The following ZEB2 variants were observed in gnomAD, a reference collection of about 807,000 sequenced individuals.
The protein encoded by ZEB2 is zinc finger E-box-binding homeobox 2.
Under a neutral mutation model 99.9 loss-of-function variants are expected in ZEB2, and 6 were observed. The ratio of observed to expected loss-of-function variants is 0.06; its 90% CI spans 0.03 to 0.12. ZEB2 has a LOEUF of 0.12. Ranked by LOEUF, ZEB2 falls within the 10% of genes least tolerant of loss-of-function variation. The pLI is 1.00. For missense variants in ZEB2, 969 were observed against 1,502.8 expected (o/e 0.64, Z 5.87); for synonymous variants, 517 against 542.5 (o/e 0.95, Z 0.65).
intron 2 of ZEB2, among the ~76,000 whole-genome samples, chr2:144,500,181 A>AT (rs1397395431): frequency 1.3e-5 from 2 of 152,142 alleles, no homozygotes; most frequent in African/African-American, 2.4e-5. Flanking sequence ...TGCTAATTAC[A>AT]TTTTTTTTAC....
intron 2 of ZEB2, among the ~76,000 whole-genome samples, chr2:144,459,731 T>G (rs1704166759): frequency 6.6e-6 from 1 of 152,186 alleles, no homozygotes; most frequent in Admixed American, 6.5e-5. Context: ...CATGTAAAGA[T>G]GACAATCAGC....
At chr2:144,513,726 C>A in intron 2 of ZEB2, 1 of 1,536,070 alleles carries the variant, frequency 6.5e-7, no homozygotes, top group Non-Finnish European at 8.7e-7. Flanking sequence ...TTGCAAGTTA[C>A]AAACGGGCCG....
intron 2 of ZEB2, among the ~76,000 whole-genome samples, chr2:144,433,100 C>A (rs763599560): frequency 2.6e-5 from 4 of 152,106 alleles, no homozygotes; most frequent in Non-Finnish European, 5.9e-5. Flanking sequence ...ACAGTTACTT[C>A]AAAACCACAA....
rs774763773 is a variant in ZEB2 at position 144,389,832 on chromosome 2, C to T, written c.3264G>A (p.Arg1088=). The T allele has an allele frequency of 1.9e-6, 3 of 1,613,420 alleles. No homozygotes were observed. In the Admixed American group the frequency reaches 5.0e-5, roughly 27 times the overall value. The part of the protein sequence containing the change: ...YSYCKREAEE[R]EAAEREAREK... The stretch of plus-strand genomic sequence containing the variant: ...CGCGCGCCTCGCGCTCCGCCGCTTC[C>T]CGCTCCTCCGCCTCCCGCTTGCAGT... Residue 1088 remains arginine (R), a synonymous_variant, in exon 10 of 10, where the codon CGG becomes CGA. Transcript: ENST00000627532. The surrounding 1 kb of genome is among the most constrained non-coding windows in gnomAD (Gnocchi z 6.8).
intron 2 of ZEB2, among the ~76,000 whole-genome samples, chr2:144,500,899 G>A (rs1275868012): frequency 6.6e-6 from 1 of 152,166 alleles, no homozygotes; most frequent in African/African-American, 2.4e-5. Flanking sequence ...CAGGCACAAT[G>A]CACTGGTGTG....
intron 2 of ZEB2, among the ~76,000 whole-genome samples, chr2:144,506,481 C>T (rs930798017): frequency 1.3e-5 from 2 of 152,146 alleles, no homozygotes; most frequent in African/African-American, 4.8e-5. Context: ...CCTCTTAAAA[C>T]TGAGAATTCT....
intron 2 of ZEB2, among the ~76,000 whole-genome samples, chr2:144,516,919 G>A (rs1705158013): frequency 6.6e-6 from 1 of 151,430 alleles, no homozygotes; most frequent in Non-Finnish European, 1.5e-5. Context: ...GGACGCTCCC[G>A]AAGCCCGGCC....
intron 2 of ZEB2, chr2:144,513,939 C>T (rs1459213503): frequency 2.7e-6 from 4 of 1,455,782 alleles, no homozygotes; most frequent in African/African-American, 1.4e-5. Context: ...GAAACCGACA[C>T]ACATTCTTGT....
chr2:144,411,114 T>G (rs1343278431), intron 4 of ZEB2, among the ~76,000 whole-genome samples: 1 of 66,450 alleles, frequency 1.5e-5, no homozygotes, highest in African/African-American at 3.6e-5. Flanking sequence ...TAATAGGGCA[T>G]CTCATATATA....
chr2:144,516,436 A>ACCCC (rs68189842), intron 2 of ZEB2: 4 of 104,204 alleles, frequency 3.8e-5, no homozygotes, highest in East Asian at 3.5e-4. Context: ...CCAAACTCTC[A>ACCCC]CCCCCCCCTT....
intron 2 of ZEB2, chr2:144,503,926 T>G (rs1003268905): frequency 6.6e-6 from 1 of 152,092 alleles, no homozygotes; most frequent in African/African-American, 2.4e-5. Flanking sequence ...CTACTTGTAC[T>G]GGCTTTTTGT....
intron 2 of ZEB2, chr2:144,430,933 A>G (rs1250304795): frequency 6.6e-6 from 1 of 152,220 alleles, no homozygotes; most frequent in East Asian, 1.9e-4. Flanking sequence ...CAGACAAGAA[A>G]GATTAGAGTA....
At position 144,510,360 on chromosome 2, in the gene ZEB2, C is replaced by G. The variant is rs568258079; in HGVS notation, c.73+6918G>C. On this transcript the variant is annotated intron_variant, in intron 2 of 9. Transcript: ENST00000627532. ...TCCAGCTCGCCCGTCCCTCCCACCC[C>G]CAGGGCCCTCACCTCTCTGGTCCGC... 1.3e-4 allele frequency among the ~76,000 whole-genome samples: 20 copies of G among 152,174 alleles called. No homozygotes were observed. In the South Asian group the frequency reaches 2.7e-3, roughly 21 times the overall value.
chr2:144,405,060 G>T (rs746440772), intron 4 of ZEB2, 36 bp from the exon 5 acceptor site: 2 of 1,602,464 alleles, frequency 1.2e-6, no homozygotes, highest in Non-Finnish European at 1.7e-6. Context: ...GTTGTTTCCG[G>T]GCCTTCTTCC....
chr2:144,430,338 C>T lies in ZEB2; in HGVS notation c.74-312G>A, dbSNP rs116308553. Among the ~76,000 whole-genome samples the T allele has an allele frequency of 3.0e-3, 456 of 152,160 alleles. 6 individuals are homozygous for T. Among genetic ancestry groups the T allele is most frequent in the African/African-American group, 0.01 (432 of 41,516 alleles). ...AGAGACGTATTGCAATATGTACTTT[C>T]GATACTCCACAAAAACTTATAAAAT... On this transcript the variant is annotated intron_variant, in intron 2 of 9. Transcript: ENST00000627532.
rs571336010 is a variant in ZEB2, at chr2:144,433,342, C to T, written c.74-3316G>A. On this transcript the variant is annotated intron_variant, in intron 2 of 9. Coordinates refer to ENST00000627532, the MANE Select transcript of ZEB2 (RefSeq NM_014795.4). ...GTGTAACAGTTGCATTGGCAAAATG[C>T]ACCTATAATTATATACAGGTACTGT... is the stretch of plus-strand genomic sequence containing the variant. Among the ~76,000 whole-genome samples, 7 of 152,246 alleles carry T rather than the reference C, an allele frequency of 4.6e-5. No individual in the cohort carries two copies. The South Asian group carries it at 1.4e-3, about 32-fold the overall frequency.
intron 2 of ZEB2, among the ~76,000 whole-genome samples, chr2:144,502,428 C>T (rs1560652860): frequency 6.6e-6 from 1 of 152,054 alleles, no homozygotes; most frequent in Non-Finnish European, 1.5e-5. Context: ...GCCATCCCAC[C>T]AACCTTTCTA....
In ZEB2 at chr2:144,400,048, C is replaced by T. The variant is rs1703289929; in HGVS notation, c.1139G>A (p.Ser380Asn). The change falls in exon 8 of 10, where the codon AGT becomes AAT. Residue 380 changes from serine to asparagine, a missense_variant. By Grantham distance (46) the Ser-to-Asn change is conservative. Around this residue, in one of 8 missense-constraint regions of ZEB2, gnomAD observed 227 missense variants for 278.2 expected, o/e 0.82. Coordinates refer to ENST00000627532, the MANE Select transcript of ZEB2 (RefSeq NM_014795.4). The part of the protein sequence containing the change: ...RNKLENGKPL[S>N]MSEQTGLLKI... ...AAGTAAGCCTGTCTGTTCAGACATA[C>T]TAAGTGGTTTTCCATTCTCCAACTT... 1.2e-6 allele frequency: 2 copies of T among 1,613,860 alleles called. No individual in the cohort carries two copies. Among genetic ancestry groups the T allele is most frequent in the Non-Finnish European group, 1.7e-6 (2 of 1,179,708 alleles).
intron 2 of ZEB2, chr2:144,462,079 G>T (rs75886549): frequency 6.6e-5 from 10 of 152,212 alleles, no homozygotes; most frequent in South Asian, 4.1e-4. Flanking sequence ...GGGTAAGGAG[G>T]GGGGACAGGC....
Sources: allele counts gnomAD v4.1 joint callset (sites outside exome capture counted in the v4.1 genomes callset), GRCh38; gene constraint gnomAD v4.1.1; regional missense constraint gnomAD v4.1.1; non-coding constraint Gnocchi (gnomAD v3.1); transcripts MANE v1.5; gene names NCBI Gene and HGNC (gene_info 2026-07-23, HGNC 2026-07-21).